GPC4: variants seen among roughly 807,000 people sequenced by gnomAD.
The protein encoded by GPC4 is glypican 4.
Under a neutral mutation model 35.0 loss-of-function variants are expected in GPC4, and 10 were observed. The observed-to-expected ratio is 0.29, with a 90% CI of 0.18 to 0.48. The LOEUF is 0.48. GPC4 is among the 20% of genes least tolerant of loss of function. The pLI, the probability that GPC4 is intolerant of heterozygous loss-of-function variation, is 0.99. For missense variants in GPC4, 322 were observed against 451.3 expected (o/e 0.71, Z 2.60); for synonymous variants, 167 against 170.2 (o/e 0.98, Z 0.15).
chrX:133,336,434 C>A (rs56033329), intron 2 of GPC4, among the ~76,000 whole-genome samples: 40,463 of 109,316 alleles, frequency 0.37, 6,433 homozygotes, highest in African/African-American at 0.6. Flanking sequence ...ACTTGGGAGG[C>A]TGAGACAGGA....
intron 1 of GPC4, among the ~76,000 whole-genome samples, chrX:133,356,246 G>A (rs1300792337): frequency 1.8e-5 from 2 of 110,882 alleles, no homozygotes; most frequent in African/African-American, 3.3e-5. Context: ...TCGCAGCAGC[G>A]AATTCTTTTT....
chrX:133,324,149 G>A lies in GPC4; in HGVS notation c.707C>T (p.Ser236Phe). Reference sequence around the variant, plus strand: ...GAGAAGACAAGGAGTACTTACCACGGAGACCTTGCTCACGACATCTCCCGC... The same window carrying A: ...GAGAAGACAAGGAGTACTTACCACGAAGACCTTGCTCACGACATCTCCCGC... Reference protein sequence around the residue: ...AVAGDVVSKVSVVNPTAQCTH... With the variant: ...AVAGDVVSKVFVVNPTAQCTH... The change falls in exon 3 of 9, where the codon TCC becomes TTC. Residue 236 changes from serine to phenylalanine, a missense_variant. Transcript: ENST00000370828. 8.4e-7 allele frequency: 1 copy of A among 1,196,537 alleles called. No individual in the cohort carries two copies. The highest frequency in any genetic ancestry group is 1.1e-6 in the Non-Finnish European group (1 of 888,783).
chrX:133,346,874 T>C (rs753974814), intron 1 of GPC4, among the ~76,000 whole-genome samples: 1 of 111,001 alleles, frequency 9.0e-6, no homozygotes, highest in African/African-American at 3.3e-5. Context: ...TGCCCAGGGC[T>C]GGGGGAGAGG....
In GPC4 at chrX:133,415,042, G is replaced by C; in HGVS notation, c.-77C>G. Reference sequence around the variant, plus strand: ...GCGCTACGGCAGCGGGCCGAGGGCTGGCGGAGTCGGGGACTAGCGAGTGGA... The same window carrying C: ...GCGCTACGGCAGCGGGCCGAGGGCTCGCGGAGTCGGGGACTAGCGAGTGGA... On this transcript the variant is annotated 5_prime_UTR_variant, in exon 1 of 9. Coordinates refer to ENST00000370828, the MANE Select transcript of GPC4 (RefSeq NM_001448.3). 1 of 1,020,248 alleles carries C rather than the reference G, an allele frequency of 9.8e-7. No individual in the cohort carries two copies. Among genetic ancestry groups the C allele is most frequent in the Non-Finnish European group, 1.3e-6 (1 of 747,666 alleles). The allele number at this position is 1,020,248 out of a possible 1,213,427, so 84.1% of individuals were successfully genotyped here. A position where few individuals can be genotyped will look rare whatever the true frequency, so the allele number is the denominator to read the frequency against.
chrX:133,376,574 A>C (rs2068634383), intron 1 of GPC4, among the ~76,000 whole-genome samples: 1 of 112,189 alleles, frequency 8.9e-6, no homozygotes, highest in Admixed American at 9.4e-5. Flanking sequence ...GGTAGCTCAG[A>C]GTTTTCCTAG....
chrX:133,314,870 A>T (rs1035452163), intron 3 of GPC4, among the ~76,000 whole-genome samples: 1 of 110,920 alleles, frequency 9.0e-6, no homozygotes, highest in Non-Finnish European at 1.9e-5. Flanking sequence ...AAACAGCAAT[A>T]ATGCTAGCAC....
chrX:133,303,481 A>G, intron 7 of GPC4, 140 bp from the exon 8 acceptor site: 1 of 482,950 alleles, frequency 2.1e-6, no homozygotes, highest in Non-Finnish European at 3.3e-6. Flanking sequence ...GCTAGATTCT[A>G]GTATTTCCAC....
chrX:133,323,212 C>T (rs1246445004), intron 3 of GPC4, among the ~76,000 whole-genome samples: 2 of 111,779 alleles, frequency 1.8e-5, no homozygotes, highest in Non-Finnish European at 3.8e-5. Flanking sequence ...GGCATGGTGG[C>T]TCTCACCTGT....
intron 1 of GPC4, among the ~76,000 whole-genome samples, chrX:133,358,326 T>C (rs928228369): frequency 3.2e-4 from 36 of 112,328 alleles, no homozygotes; most frequent in African/African-American, 1.0e-3. Context: ...ATATGATTCA[T>C]TTGCATCCTA....
At chrX:133,370,342 T>C (rs2068607246) in intron 1 of GPC4, among the ~76,000 whole-genome samples, 1 of 111,915 alleles carries the variant, frequency 8.9e-6, no homozygotes, top group Admixed American at 9.5e-5. Flanking sequence ...TTTGCAAGAA[T>C]TGGTTAAGAC....
chrX:133,308,886 C>T (rs1303615929), intron 4 of GPC4, among the ~76,000 whole-genome samples: 2 of 109,775 alleles, frequency 1.8e-5, no homozygotes, highest in East Asian at 2.8e-4. Flanking sequence ...GGCAGTTTCC[C>T]GACTTAACCC....
intron 1 of GPC4, chrX:133,414,538 A>AGCGGAGC: frequency 1.3e-6 from 1 of 753,782 alleles, no homozygotes; most frequent in Non-Finnish European, 1.6e-6. Context: ...GGAGGCGGGG[A>AGCGGAGC]GCGGAGCGCG....
At chrX:133,303,403 C>CAA (rs1315565053) in intron 7 of GPC4, 62 bp from the exon 8 acceptor site, 7 of 982,936 alleles carry the variant, frequency 7.1e-6, no homozygotes, top group Non-Finnish European at 9.9e-6. Context: ...ATCTGTCTGC[C>CAA]TCCCAAAGTG....
intron 1 of GPC4, among the ~76,000 whole-genome samples, chrX:133,403,690 A>G (rs1835810498): frequency 9.2e-6 from 1 of 108,868 alleles, no homozygotes; most frequent in South Asian, 4.1e-4. Context: ...ATGATAGGGC[A>G]CATAGAGCTG....
intron 1 of GPC4, among the ~76,000 whole-genome samples, chrX:133,394,912 G>C (rs2068735805): frequency 8.9e-6 from 1 of 111,857 alleles, no homozygotes; most frequent in Admixed American, 9.5e-5. Flanking sequence ...GCTGTTTAGT[G>C]TCATTTACGT....
At chrX:133,305,662 G>A in intron 6 of GPC4, 110 bp downstream of exon 6, 1 of 987,530 alleles carries the variant, frequency 1.0e-6, no homozygotes, top group South Asian at 2.3e-5. Flanking sequence ...TGCTTGAAAA[G>A]TGACACCTGA....
rs755754409 is a variant in GPC4, at chrX:133,300,496, G to C, written c.*2371C>G. 1 of 111,645 alleles carries C rather than the reference G, an allele frequency of 9.0e-6. No homozygotes were observed. The highest frequency in any genetic ancestry group is 2.8e-4 in the East Asian group (1 of 3,556). 9.2% of individuals were successfully genotyped at this position (111,645 alleles called of 1,213,427 possible). On this transcript the variant is annotated 3_prime_UTR_variant, in exon 9 of 9. Transcript: ENST00000370828. ...TTGCCTTTCTTCTTTTTTGGGGAGT[G>C]GGGGTGAGCTTGCCAGCTGCTTAGA...
chrX:133,367,477 A>C (rs2068594817), intron 1 of GPC4, among the ~76,000 whole-genome samples: 1 of 112,568 alleles, frequency 8.9e-6, no homozygotes, highest in Non-Finnish European at 1.9e-5. Flanking sequence ...TTAATTAGCA[A>C]GTTCTTTCTG....
At chrX:133,348,637 T>C (rs1347611709) in intron 1 of GPC4, among the ~76,000 whole-genome samples, 1 of 112,393 alleles carries the variant, frequency 8.9e-6, no homozygotes, top group Non-Finnish European at 1.9e-5. Context: ...TAAGTAGCAA[T>C]TATGATTTTC....
Sources: gnomAD v4.1 joint callset for allele counts (sites outside exome capture counted in the v4.1 genomes callset) on GRCh38, gnomAD v4.1.1 for gene constraint, MANE v1.5 for transcripts, NCBI Gene and HGNC (gene_info 2026-07-23, HGNC 2026-07-21) for gene names.